NTM: variants seen among roughly 807,000 people sequenced by gnomAD.
NTM encodes the protein neurotrimin, also known as IgLON family member 2.
NTM carries 13 observed loss-of-function variants against 42.1 expected under a neutral mutation model. The ratio of observed to expected loss-of-function variants is 0.31; its 90% confidence interval spans 0.20 to 0.49. The LOEUF is 0.49. Among genes scored for constraint, NTM ranks in the 20% least tolerant of loss-of-function variants. The probability of loss-of-function intolerance (pLI) is 0.99; values close to 1 mark genes in which losing one functional copy is unlikely to be tolerated. For missense variants in NTM, 373 were observed against 452.8 expected (o/e 0.82, Z 1.60); for synonymous variants, 187 against 179.2 (o/e 1.04, Z -0.35).
chr11:131,682,151 A>G (rs754728220), intron 1 of NTM, among the ~76,000 whole-genome samples: 1 of 151,774 alleles, frequency 6.6e-6, no homozygotes, highest in Non-Finnish European at 1.5e-5. Flanking sequence ...GGCACGAGGG[A>G]TGCCTGGCTG....
At chr11:132,030,663 T>A (rs6590611) in intron 2 of NTM, among the ~76,000 whole-genome samples, 174 of 152,100 alleles carry the variant, frequency 1.1e-3, no homozygotes, top group African/African-American at 2.7e-3. Flanking sequence ...AGAGGGAACC[T>A]CATATGCCAA....
At chr11:131,397,300 T>C (rs1228638931) in intron 1 of NTM, among the ~76,000 whole-genome samples, 1 of 152,106 alleles carries the variant, frequency 6.6e-6, no homozygotes, top group African/African-American at 2.4e-5. Context: ...GCTGAGAGGA[T>C]CCCTCAGGGC....
intron 4 of NTM, among the ~76,000 whole-genome samples, chr11:132,223,894 G>A (rs924530006): frequency 2.0e-4 from 31 of 152,164 alleles, no homozygotes; most frequent in Admixed American, 8.5e-4. Flanking sequence ...AGGTGACAGC[G>A]CAGGTGTCTG....
chr11:131,396,979 T>C (rs1480474419), intron 1 of NTM, among the ~76,000 whole-genome samples: 1 of 152,114 alleles, frequency 6.6e-6, no homozygotes, highest in Non-Finnish European at 1.5e-5. Context: ...ATCTAGTAAA[T>C]CCTGTGATTT....
At position 132,109,551 on chromosome 11, in the gene NTM, G is replaced by A. The variant is rs139401423; in HGVS notation, c.168-36731G>A. 2.6e-3 allele frequency among the ~76,000 whole-genome samples: 400 copies of A among 152,196 alleles called. 5 individuals are homozygous for A. The highest frequency in any genetic ancestry group is 9.0e-3 in the African/African-American group (374 of 41,514). Reference sequence around the variant, plus strand: ...TAAAACATGAATCTTCTATTATATTGCTCCCCTGCTTAGAACCTTTCATAC... The same window carrying A: ...TAAAACATGAATCTTCTATTATATTACTCCCCTGCTTAGAACCTTTCATAC... On this transcript the variant is annotated intron_variant, in intron 2 of 8. Transcript: ENST00000683400.
At chr11:132,098,253 G>T (rs1462814927) in intron 2 of NTM, among the ~76,000 whole-genome samples, 1 of 146,384 alleles carries the variant, frequency 6.8e-6, no homozygotes, top group Non-Finnish European at 1.5e-5. Flanking sequence ...GAAAGAACAT[G>T]CTGTGCTTGA....
chr11:131,834,015 C>T (rs1438932563), intron 1 of NTM, among the ~76,000 whole-genome samples: 1 of 152,196 alleles, frequency 6.6e-6, no homozygotes, highest in Non-Finnish European at 1.5e-5. Context: ...TACATAGCCT[C>T]ATGGCATGAG....
In NTM at chr11:132,113,739, C is replaced by T. The variant is rs184921478; in HGVS notation, c.168-32543C>T. ...CAGTAAATATAGACCCCCAAAGTCA[C>T]CTTAGCAGTCTCTTTCCAGAGTACA... On this transcript the variant is annotated intron_variant, in intron 2 of 8. Transcript: ENST00000683400. Among the ~76,000 whole-genome samples the T allele has an allele frequency of 5.8e-4, 89 of 152,308 alleles. 2 individuals carry two copies. The highest frequency in any genetic ancestry group is 2.0e-3 in the African/African-American group (82 of 41,554).
intron 4 of NTM, among the ~76,000 whole-genome samples, chr11:132,249,884 G>T (rs1437570629): frequency 6.6e-6 from 1 of 152,188 alleles, no homozygotes; most frequent in Non-Finnish European, 1.5e-5. Flanking sequence ...CAACTTCATT[G>T]CCATTGCTGG....
chr11:131,517,303 CAA>C (rs2049014598), intron 1 of NTM, among the ~76,000 whole-genome samples: 2 of 152,182 alleles, frequency 1.3e-5, no homozygotes, highest in South Asian at 4.1e-4. Context: ...AGATGTGAAA[CAA>C]AGACTCCAGG....
At chr11:131,677,074 G>C (rs377479832) in intron 1 of NTM, among the ~76,000 whole-genome samples, 1 of 152,182 alleles carries the variant, frequency 6.6e-6, no homozygotes, top group East Asian at 1.9e-4. Context: ...AGCTAGATCT[G>C]CCTCTGGCAT....
At chr11:131,504,635 G>A (rs946309742) in intron 1 of NTM, among the ~76,000 whole-genome samples, 1 of 152,056 alleles carries the variant, frequency 6.6e-6, no homozygotes, top group African/African-American at 2.4e-5. Flanking sequence ...CTCTAGGCTT[G>A]TCTACCTCGA....
chr11:132,127,062 C>T (rs2065957828), intron 2 of NTM, among the ~76,000 whole-genome samples: 1 of 152,178 alleles, frequency 6.6e-6, no homozygotes, highest in African/African-American at 2.4e-5. Flanking sequence ...CAGGCCTTTG[C>T]TTTTCTGGTG....
chr11:131,888,709 C>T (rs669882), intron 1 of NTM, among the ~76,000 whole-genome samples: 36,760 of 151,926 alleles, frequency 0.24, 5,365 homozygotes, highest in East Asian at 0.46. Flanking sequence ...CCTGTGGCGT[C>T]TTATAGAAAT....
intron 1 of NTM, among the ~76,000 whole-genome samples, chr11:131,598,748 TTTCTTTC>T (rs2060093252): frequency 1.4e-5 from 1 of 71,228 alleles, no homozygotes; most frequent in African/African-American, 5.7e-5. Context: ...TCTTTCTTTC[TTTCTTTC>T]TTCTTTCTTT....
chr11:132,161,237 A>C (rs963424339), intron 3 of NTM, among the ~76,000 whole-genome samples: 1 of 152,044 alleles, frequency 6.6e-6, no homozygotes, highest in African/African-American at 2.4e-5. Flanking sequence ...CACTGGAGTG[A>C]GTGCAGCACC....
chr11:131,508,815 C>G (rs1329356994), intron 1 of NTM, among the ~76,000 whole-genome samples: 3 of 147,430 alleles, frequency 2.0e-5, no homozygotes, highest in Non-Finnish European at 4.4e-5. Flanking sequence ...TATTCTCACT[C>G]ATAGGTGGGA....
chr11:131,463,268 C>T (rs11222652), intron 1 of NTM, among the ~76,000 whole-genome samples: 11,178 of 152,266 alleles, frequency 0.073, 994 homozygotes, highest in East Asian at 0.22. Context: ...CTGCCTTAAA[C>T]GACAACAGCA....
chr11:131,976,120 C>A (rs1166301333), intron 2 of NTM, among the ~76,000 whole-genome samples: 4 of 130,080 alleles, frequency 3.1e-5, no homozygotes, highest in Non-Finnish European at 4.9e-5. Flanking sequence ...TCCCTCATTC[C>A]TTCCTTCCTT....
Sources: allele counts gnomAD v4.1 joint callset (sites outside exome capture counted in the v4.1 genomes callset), GRCh38; gene constraint gnomAD v4.1.1; transcripts MANE v1.5; gene names NCBI Gene and HGNC (gene_info 2026-07-23, HGNC 2026-07-21).